The following LINGO2 variants were observed in gnomAD, a reference collection of about 807,000 sequenced individuals.
LINGO2 encodes the protein leucine-rich repeat and immunoglobulin-like domain-containing nogo receptor-interacting protein 2.
LINGO2 carries 14 observed loss-of-function variants against 30.6 expected under a neutral mutation model. That is an observed-to-expected ratio of 0.46 (90% CI 0.30 to 0.72). LINGO2 has a LOEUF of 0.72. Among genes scored for constraint, LINGO2 ranks in the 30% least tolerant of loss-of-function variants. The pLI is 0.07. For synonymous variants in LINGO2, 317 were observed against 288.5 expected (o/e 1.10, Z -1.00); for missense variants, 729 against 751.7 (o/e 0.97, Z 0.35).
chr9:29,092,942 GA>G, the LINGO2 span, among the ~76,000 whole-genome samples: 2 of 129,780 alleles, frequency 1.5e-5, no homozygotes, highest in African/African-American at 2.9e-5. Flanking sequence ...AATAATTTTA[GA>G]AAAAAGTCAT....
At chr9:28,772,472 T>C in the LINGO2 span, among the ~76,000 whole-genome samples, 1 of 152,214 alleles carries the variant, frequency 6.6e-6, no homozygotes, top group Non-Finnish European at 1.5e-5. Context: ...TTTGGCTACT[T>C]GTGAGCACAC....
At chr9:28,758,498 T>G in the LINGO2 span, among the ~76,000 whole-genome samples, 1 of 152,100 alleles carries the variant, frequency 6.6e-6, no homozygotes, top group Non-Finnish European at 1.5e-5. Flanking sequence ...AGCCTGTTAC[T>G]AAACCAATAC....
chr9:29,154,236 G>C, the LINGO2 span, among the ~76,000 whole-genome samples: 1 of 152,008 alleles, frequency 6.6e-6, no homozygotes, highest in Non-Finnish European at 1.5e-5. Flanking sequence ...ACAAGATCAG[G>C]AGATTGAGAC....
chr9:28,673,667 GATCATCATC>G (rs139919509), upstream of LINGO2, among the ~76,000 whole-genome samples: 10 of 147,060 alleles, frequency 6.8e-5, no homozygotes, highest in Admixed American at 2.7e-4. Context: ...ACTCTGTCTC[GATCATCATC>G]ATCATCATCA....
chr9:28,303,318 G>A (rs1220717342), intron 3 of LINGO2, among the ~76,000 whole-genome samples: 1 of 152,128 alleles, frequency 6.6e-6, no homozygotes, highest in African/African-American at 2.4e-5. Context: ...GATAATCTTG[G>A]AGGGAAGGAA....
the LINGO2 span, among the ~76,000 whole-genome samples, chr9:28,862,813 A>C: frequency 6.6e-6 from 1 of 152,096 alleles, no homozygotes; most frequent in African/African-American, 2.4e-5. Context: ...AACCAAAATG[A>C]CTATTTGAAA....
intron 1 of LINGO2, among the ~76,000 whole-genome samples, chr9:28,479,078 A>C (rs1314352816): frequency 1.3e-5 from 2 of 151,996 alleles, no homozygotes; most frequent in African/African-American, 4.8e-5. Flanking sequence ...TTAAAGTTAA[A>C]AGTAGTAGTT....
intron 3 of LINGO2, among the ~76,000 whole-genome samples, chr9:28,353,633 C>T (rs1820016847): frequency 6.6e-6 from 1 of 152,018 alleles, no homozygotes; most frequent in Non-Finnish European, 1.5e-5. Context: ...TACCATTTGA[C>T]CCAGCCATCC....
At chr9:29,188,608 C>T in the LINGO2 span, among the ~76,000 whole-genome samples, 1 of 152,272 alleles carries the variant, frequency 6.6e-6, no homozygotes. Flanking sequence ...CAGACCGGGT[C>T]GTGGCCGGGC....
chr9:28,999,626 G>C, the LINGO2 span, among the ~76,000 whole-genome samples: 1 of 151,804 alleles, frequency 6.6e-6, no homozygotes, highest in Non-Finnish European at 1.5e-5. Flanking sequence ...ATCTGGTAAG[G>C]AGCAAATATT....
chr9:28,582,477 C>T (rs1824305324), intron 1 of LINGO2, among the ~76,000 whole-genome samples: 1 of 152,042 alleles, frequency 6.6e-6, no homozygotes, highest in Admixed American at 6.6e-5. Flanking sequence ...GTAAAAATCT[C>T]AACCTTCTGA....
chr9:28,693,355 T>C, the LINGO2 span, among the ~76,000 whole-genome samples: 1 of 152,166 alleles, frequency 6.6e-6, no homozygotes, highest in African/African-American at 2.4e-5. Context: ...AACTGATACT[T>C]CATTCATTCA....
intron 1 of LINGO2, among the ~76,000 whole-genome samples, chr9:28,550,258 T>A (rs547895544): frequency 6.6e-6 from 1 of 151,944 alleles, no homozygotes; most frequent in Non-Finnish European, 1.5e-5. Flanking sequence ...TGGGATCTTT[T>A]CATTCTCTCA....
At chr9:28,790,114 A>G in the LINGO2 span, among the ~76,000 whole-genome samples, 2 of 152,126 alleles carry the variant, frequency 1.3e-5, no homozygotes, top group African/African-American at 4.8e-5. Context: ...TAAGTAGCAT[A>G]ATGAAATCTT....
At chr9:28,036,590 G>C (rs1308603614) in intron 4 of LINGO2, among the ~76,000 whole-genome samples, 1 of 152,194 alleles carries the variant, frequency 6.6e-6, no homozygotes, top group Non-Finnish European at 1.5e-5. Flanking sequence ...CAAAGGAAAA[G>C]TGTTGCTTTG....
chr9:28,254,887 T>G (rs1360190429), intron 4 of LINGO2, among the ~76,000 whole-genome samples: 8 of 152,114 alleles, frequency 5.3e-5, no homozygotes, highest in Admixed American at 3.9e-4. Context: ...CAGTATGCAT[T>G]AGTTATTTTT....
At chr9:29,004,250 T>C in the LINGO2 span, among the ~76,000 whole-genome samples, 1 of 152,040 alleles carries the variant, frequency 6.6e-6, no homozygotes, top group Non-Finnish European at 1.5e-5. Context: ...TAATTCTTTA[T>C]CTTTGATTTT....
At chr9:28,642,456 A>G (rs911778386) in intron 1 of LINGO2, among the ~76,000 whole-genome samples, 1 of 152,178 alleles carries the variant, frequency 6.6e-6, no homozygotes, top group African/African-American at 2.4e-5. Flanking sequence ...AACAAGAAAC[A>G]CAAAGAAAGT....
chr9:28,724,005 A>C, the LINGO2 span, among the ~76,000 whole-genome samples: 1 of 152,104 alleles, frequency 6.6e-6, no homozygotes, highest in African/African-American at 2.4e-5. Flanking sequence ...TGTGTTTATT[A>C]TGGGCATATA....
Sources: allele counts gnomAD v4.1 joint callset (sites outside exome capture counted in the v4.1 genomes callset), GRCh38; gene constraint gnomAD v4.1.1; transcripts MANE v1.5; gene names NCBI Gene and HGNC (gene_info 2026-07-23, HGNC 2026-07-21).